Variants in CADM2 observed in about 807,000 individuals in gnomAD.
The protein encoded by CADM2 is cell adhesion molecule 2.
Under a neutral mutation model 49.8 loss-of-function variants are expected in CADM2, and 12 were observed. The observed-to-expected ratio is 0.24, with a 90% CI of 0.15 to 0.39. The LOEUF (loss-of-function observed/expected upper bound fraction) is 0.39. Ranked by LOEUF, CADM2 falls within the 10% of genes least tolerant of loss-of-function variation. The pLI is 1.00. For missense variants in CADM2, 378 were observed against 492.3 expected, an observed-to-expected ratio of 0.77 and a Z score of 2.20; for synonymous variants, 214 against 175.4, an observed-to-expected ratio of 1.22 and a Z score of -1.74.
intron 1 of CADM2, among the ~76,000 whole-genome samples, chr3:84,973,150 T>G (rs2031579028): frequency 6.6e-6 from 1 of 152,200 alleles, no homozygotes; most frequent in Non-Finnish European, 1.5e-5. Flanking sequence ...TGGCCTCAGG[T>G]GATCCGCCAA....
chr3:85,619,480 C>G (rs1230206525), intron 1 of CADM2, among the ~76,000 whole-genome samples: 1 of 152,122 alleles, frequency 6.6e-6, no homozygotes, highest in Non-Finnish European at 1.5e-5. Context: ...AAAATATCCT[C>G]TGGTCTGTGG....
At chr3:85,205,018 AT>A (rs201950814) in intron 1 of CADM2, among the ~76,000 whole-genome samples, 8,817 of 140,924 alleles carry the variant, frequency 0.063, 271 homozygotes, top group African/African-American at 0.093. Flanking sequence ...ACTTTACTTA[AT>A]TTTTTTTTTT....
chr3:85,578,143 G>A (rs1470302963), intron 1 of CADM2, among the ~76,000 whole-genome samples: 2 of 151,828 alleles, frequency 1.3e-5, no homozygotes, highest in South Asian at 2.1e-4. Flanking sequence ...GAGCAGTGGC[G>A]CGATCTCGGC....
At chr3:85,941,477 T>G (rs531697509) in intron 7 of CADM2, among the ~76,000 whole-genome samples, 3 of 152,126 alleles carry the variant, frequency 2.0e-5, no homozygotes, top group Admixed American at 6.6e-5. Flanking sequence ...ATATTTTATT[T>G]GAAGTTAAAT....
rs114043348 is a variant in CADM2, at chr3:85,655,085, T to C, written c.62-71437T>C. On this transcript the variant is annotated intron_variant, in intron 1 of 9. Coordinates refer to ENST00000383699, the MANE Select transcript of CADM2 (RefSeq NM_001167675.2). The stretch of plus-strand genomic sequence containing the variant: ...TATGCTTTATTTTGAAATATCCCAT[T>C]TCATTTTGGCATGCTTTGCTAAAAC... 1.2e-3 allele frequency among the ~76,000 whole-genome samples: 181 copies of C among 152,262 alleles called. 1 individual carries two copies. Among genetic ancestry groups the C allele is most frequent in the African/African-American group, 4.2e-3 (176 of 41,574 alleles).
rs34654299 is a variant in CADM2 at position 85,543,420 on chromosome 3, A to ATGTGTGTG, written c.62-183072_62-183065dup. On this transcript the variant is annotated intron_variant, in intron 1 of 9. Coordinates refer to ENST00000383699, the MANE Select transcript of CADM2 (RefSeq NM_001167675.2). The stretch of plus-strand genomic sequence containing the variant: ...CAGGCACCGCCACCATGCCAAGCTA[A>ATGTGTGTG]TGTGTGTGTGTGTGTGTGTGTGTGT... 1.3e-3 allele frequency among the ~76,000 whole-genome samples: 171 copies of ATGTGTGTG among 129,638 alleles called. 1 individual carries two copies. Among genetic ancestry groups the ATGTGTGTG allele is most frequent in the Middle Eastern group, 4.2e-3 (1 of 236 alleles). The allele number at this position is 129,638 out of a possible 152,430, so 85.0% of individuals were successfully genotyped here. A position where few individuals can be genotyped will look rare whatever the true frequency, so the allele number is the denominator to read the frequency against.
intron 1 of CADM2, among the ~76,000 whole-genome samples, chr3:85,534,752 AT>A (rs1367008333): frequency 6.6e-6 from 1 of 152,022 alleles, no homozygotes; most frequent in Non-Finnish European, 1.5e-5. Context: ...CATTCTTTTA[AT>A]TTTCATGTAA....
At chr3:85,438,653 T>A (rs940663328) in intron 1 of CADM2, among the ~76,000 whole-genome samples, 4 of 152,028 alleles carry the variant, frequency 2.6e-5, no homozygotes, top group African/African-American at 9.7e-5. Context: ...TTGATAGATC[T>A]TTCCTTTCCT....
intron 1 of CADM2, among the ~76,000 whole-genome samples, chr3:85,399,242 G>A (rs2034959596): frequency 6.6e-6 from 1 of 152,162 alleles, no homozygotes; most frequent in Non-Finnish European, 1.5e-5. Flanking sequence ...TTATTAAATA[G>A]GGAATCCTTT....
At chr3:85,396,946 T>C (rs2034821672) in intron 1 of CADM2, among the ~76,000 whole-genome samples, 1 of 151,896 alleles carries the variant, frequency 6.6e-6, no homozygotes, top group Non-Finnish European at 1.5e-5. Flanking sequence ...TTATCAAAAC[T>C]TAACTATAAG....
chr3:84,969,683 G>T (rs1023728289), intron 1 of CADM2, among the ~76,000 whole-genome samples: 2 of 151,662 alleles, frequency 1.3e-5, no homozygotes, highest in African/African-American at 4.8e-5. Context: ...TCATTTATAT[G>T]TAATACACAG....
Position 85,634,486 on chromosome 3 carries a change from A to G in CADM2, c.62-92036A>G, listed in dbSNP as rs1340672636. 2.6e-5 allele frequency among the ~76,000 whole-genome samples: 4 copies of G among 152,050 alleles called. No homozygotes were observed. The East Asian group carries it at 5.8e-4, about 22-fold the overall frequency. ...TAATTGCTGGTTCTAATTTATATGA[A>G]CTTTTACATAGTGCCCCAAGAAGAA... On this transcript the variant is annotated intron_variant, in intron 1 of 9. Coordinates refer to ENST00000383699, the MANE Select transcript of CADM2 (RefSeq NM_001167675.2).
intron 1 of CADM2, among the ~76,000 whole-genome samples, chr3:85,489,399 T>G (rs1290621578): frequency 6.6e-6 from 1 of 152,174 alleles, no homozygotes; most frequent in Non-Finnish European, 1.5e-5. Flanking sequence ...GTAGTTTGTT[T>G]CTGTAAATAT....
chr3:85,766,663 G>T (rs1229112489), intron 2 of CADM2, among the ~76,000 whole-genome samples: 1 of 152,124 alleles, frequency 6.6e-6, no homozygotes, highest in African/African-American at 2.4e-5. Flanking sequence ...CGTCAGTTTA[G>T]TTATGTTGGT....
chr3:85,142,761 G>A (rs2039616576), intron 1 of CADM2, among the ~76,000 whole-genome samples: 8 of 152,100 alleles, frequency 5.3e-5, no homozygotes, highest in Admixed American at 4.6e-4. Context: ...AATAGGGCAT[G>A]GCAGAGTCAA....
chr3:85,419,891 C>G (rs6780968), intron 1 of CADM2, among the ~76,000 whole-genome samples: 85,852 of 151,950 alleles, frequency 0.57, 25,278 homozygotes, highest in East Asian at 0.83. Flanking sequence ...CTGATATTCT[C>G]CATCCACGGG....
chr3:85,883,165 C>T, intron 3 of CADM2, 126 bp from the exon 4 acceptor site: 3 of 716,400 alleles, frequency 4.2e-6, no homozygotes, highest in Non-Finnish European at 4.2e-6. Context: ...TAAACTGTTC[C>T]AAGAAATAAG....
chr3:85,592,539 T>C (rs2063134963), intron 1 of CADM2, among the ~76,000 whole-genome samples: 1 of 151,924 alleles, frequency 6.6e-6, no homozygotes, highest in Non-Finnish European at 1.5e-5. Flanking sequence ...GGATGGAATT[T>C]AACTGTTTTT....
chr3:85,349,838 C>T (rs1426912439), intron 1 of CADM2, among the ~76,000 whole-genome samples: 2 of 152,074 alleles, frequency 1.3e-5, no homozygotes, highest in African/African-American at 2.4e-5. Context: ...GAGGGTCTTT[C>T]GAAGTAAGAA....
Sources: gnomAD v4.1 joint callset for allele counts (sites outside exome capture counted in the v4.1 genomes callset) on GRCh38, gnomAD v4.1.1 for gene constraint, MANE v1.5 for transcripts, NCBI Gene and HGNC (gene_info 2026-07-23, HGNC 2026-07-21) for gene names.